The following UNC5D variants were observed in gnomAD, a reference collection of about 807,000 sequenced individuals.
The protein encoded by UNC5D is netrin receptor UNC5D.
UNC5D carries 39 observed loss-of-function variants against 105.4 expected under a neutral mutation model. That is an observed-to-expected ratio of 0.37 (90% confidence interval 0.29 to 0.48). UNC5D has a LOEUF of 0.48. Ranked by LOEUF, UNC5D falls within the 20% of genes least tolerant of loss-of-function variation. UNC5D has a pLI of 0.98. For missense variants in UNC5D, 991 were observed against 1,202.4 expected (o/e 0.82, Z 2.60); for synonymous variants, 452 against 450.4 (o/e 1.00, Z -0.04).
chr8:35,275,158 T>C (rs1238161130), intron 1 of UNC5D, among the ~76,000 whole-genome samples: 1 of 151,020 alleles, frequency 6.6e-6, no homozygotes, highest in African/African-American at 2.4e-5. Context: ...GAAAACATAA[T>C]GAAATAAGAA....
intron 6 of UNC5D, 150 bp from the exon 7 acceptor site, chr8:35,686,395 T>C: frequency 1.2e-6 from 1 of 839,928 alleles, no homozygotes; most frequent in Non-Finnish European, 1.7e-6. Context: ...AAAGAAACCA[T>C]GGAGAGAAGA....
chr8:35,605,726 A>G (rs1820249448), intron 4 of UNC5D, among the ~76,000 whole-genome samples: 1 of 152,158 alleles, frequency 6.6e-6, no homozygotes, highest in African/African-American at 2.4e-5. Context: ...TAACTCAATC[A>G]CTAGTTCTAC....
At chr8:35,553,823 T>C (rs926629237) in intron 2 of UNC5D, among the ~76,000 whole-genome samples, 7 of 152,190 alleles carry the variant, frequency 4.6e-5, no homozygotes, top group Non-Finnish European at 1.0e-4. Flanking sequence ...AGGACTTGAC[T>C]ACCTTTACAG....
intron 12 of UNC5D, among the ~76,000 whole-genome samples, 154 bp from the exon 13 acceptor site, chr8:35,750,428 A>G (rs17357147): frequency 0.024 from 3,679 of 152,314 alleles, 59 homozygotes; most frequent in Middle Eastern, 0.037. Context: ...TTATTTTGAT[A>G]GAAGAGGAAC....
chr8:35,393,281 C>G (rs1013089414), intron 1 of UNC5D, among the ~76,000 whole-genome samples: 4 of 151,210 alleles, frequency 2.6e-5, no homozygotes, highest in East Asian at 2.0e-4. Context: ...CTACAGGCGC[C>G]CGCCACCTCG....
intron 1 of UNC5D, among the ~76,000 whole-genome samples, chr8:35,478,190 T>C (rs778842900): frequency 1.3e-5 from 2 of 152,144 alleles, no homozygotes; most frequent in Non-Finnish European, 2.9e-5. Context: ...GTTTACCTCT[T>C]CAAAAATTTT....
chr8:35,485,976 C>T (rs1236374407), intron 1 of UNC5D, among the ~76,000 whole-genome samples: 1 of 152,258 alleles, frequency 6.6e-6, no homozygotes, highest in African/African-American at 2.4e-5. Context: ...TTTTCTGCAG[C>T]TTGCGGATCA....
intron 1 of UNC5D, among the ~76,000 whole-genome samples, chr8:35,461,483 GA>G (rs941749533): frequency 1.3e-5 from 2 of 152,048 alleles, no homozygotes; most frequent in Non-Finnish European, 2.9e-5. Context: ...TGGAGAGGGT[GA>G]AAAAAATCCA....
chr8:35,499,108 T>C (rs531029868), intron 1 of UNC5D, among the ~76,000 whole-genome samples: 2 of 152,332 alleles, frequency 1.3e-5, no homozygotes, highest in African/African-American at 4.8e-5. Flanking sequence ...GCTTGGGGAT[T>C]GGTTCAGATG....
intron 1 of UNC5D, among the ~76,000 whole-genome samples, chr8:35,522,856 T>G (rs1210273241): frequency 1.3e-5 from 2 of 152,144 alleles, no homozygotes; most frequent in African/African-American, 4.8e-5. Flanking sequence ...TCATCTAAAG[T>G]TTTTTTCTTA....
chr8:35,789,137 C>CGA (rs1491172701), intron 16 of UNC5D, among the ~76,000 whole-genome samples: 9 of 32,432 alleles, frequency 2.8e-4, no homozygotes, highest in Non-Finnish European at 7.9e-4. Flanking sequence ...GGAGAAAAGA[C>CGA]TATATATATA....
chr8:35,628,233 G>A (rs1314528744), intron 4 of UNC5D, among the ~76,000 whole-genome samples: 2 of 151,886 alleles, frequency 1.3e-5, no homozygotes, highest in Non-Finnish European at 2.9e-5. Context: ...TCCCAGGTCC[G>A]ACTGATTCTC....
At chr8:35,334,212 G>C (rs1009725536) in intron 1 of UNC5D, among the ~76,000 whole-genome samples, 1 of 152,134 alleles carries the variant, frequency 6.6e-6, no homozygotes, top group African/African-American at 2.4e-5. Flanking sequence ...ATCAGAGACA[G>C]CTGCGAAAAG....
intron 4 of UNC5D, among the ~76,000 whole-genome samples, chr8:35,676,910 T>G (rs188814829): frequency 7.4e-4 from 113 of 152,096 alleles, no homozygotes; most frequent in Middle Eastern, 6.8e-3. Flanking sequence ...ATATGTTTTT[T>G]TTTTGGTCCT....
chr8:35,478,628 A>T (rs1810271849), intron 1 of UNC5D, among the ~76,000 whole-genome samples: 1 of 152,214 alleles, frequency 6.6e-6, no homozygotes, highest in Non-Finnish European at 1.5e-5. Flanking sequence ...TAGCTGTCTC[A>T]TAAGGAGAAA....
In UNC5D at chr8:35,770,458, G is replaced by T. The variant is rs1487476273; in HGVS notation, c.2478+3392G>T. The stretch of plus-strand genomic sequence containing the variant: ...CTTCATATCACCTTCACACTTAAAA[G>T]TTATTTTTCTGACCAAGATAATATA... On this transcript the variant is annotated intron_variant, in intron 15 of 16. Coordinates refer to ENST00000404895, the MANE Select transcript of UNC5D (RefSeq NM_080872.4). 2.6e-5 allele frequency among the ~76,000 whole-genome samples: 4 copies of T among 152,020 alleles called. No individual in the cohort carries two copies. In the East Asian group the frequency reaches 7.7e-4, roughly 29 times the overall value.
At chr8:35,259,494 G>A (rs562195077) in intron 1 of UNC5D, among the ~76,000 whole-genome samples, 1 of 152,268 alleles carries the variant, frequency 6.6e-6, no homozygotes, top group East Asian at 1.9e-4. Flanking sequence ...TTTTCCAGCC[G>A]TGGACTCCAG....
intron 4 of UNC5D, among the ~76,000 whole-genome samples, chr8:35,623,851 C>T (rs1821519309): frequency 6.6e-6 from 1 of 152,110 alleles, no homozygotes; most frequent in Non-Finnish European, 1.5e-5. Context: ...GAGGCTGAGG[C>T]AGGCGGATCA....
chr8:35,361,172 T>C (rs1801832755), intron 1 of UNC5D, among the ~76,000 whole-genome samples: 1 of 152,158 alleles, frequency 6.6e-6, no homozygotes, highest in East Asian at 1.9e-4. Context: ...GCTAATGAAA[T>C]GGGAAGAGCT....
Sources: allele counts gnomAD v4.1 joint callset (sites outside exome capture counted in the v4.1 genomes callset), GRCh38; gene constraint gnomAD v4.1.1; transcripts MANE v1.5; gene names NCBI Gene and HGNC (gene_info 2026-07-23, HGNC 2026-07-21).